NOC2L: variants seen among roughly 807,000 people sequenced by gnomAD.
The protein encoded by NOC2L is nucleolar complex protein 2 homolog.
A neutral mutation model predicts 94.2 loss-of-function variants in NOC2L; 101 were observed. The ratio of observed to expected loss-of-function variants is 1.07; its 90% CI spans 0.91 to 1.26. The LOEUF (loss-of-function observed/expected upper bound fraction) is 1.26. Among genes scored for constraint, NOC2L ranks in the 50% most tolerant of loss-of-function variants. NOC2L has a pLI of 0.00. For synonymous variants in NOC2L, 531 were observed against 413.4 expected (o/e 1.28, Z -3.45); for missense variants, 1,076 against 980.1 (o/e 1.10, Z -1.31).
In NOC2L at chr1:944,410, CTGGAACT is replaced by C. The variant is rs913881084; in HGVS notation, c.*277_*283del. On this transcript the variant is annotated 3_prime_UTR_variant, in exon 19 of 19. Coordinates refer to ENST00000327044, the MANE Select transcript of NOC2L (RefSeq NM_015658.4). Reference sequence around the variant, plus strand: ...GGGCCAGGGGCCTGCAGGCCTCCCCCTGGAACTGGGACTGGTCTCGGTCTGCTGACGT... The same window carrying C: ...GGGCCAGGGGCCTGCAGGCCTCCCCCGGGACTGGTCTCGGTCTGCTGACGT... 8.6e-7 allele frequency: 1 copy of C among 1,161,548 alleles called. No individual in the cohort carries two copies. The allele number at this position is 1,161,548 out of a possible 1,614,324, so 72.0% of individuals were successfully genotyped here. A position where few individuals can be genotyped will look rare whatever the true frequency, so the allele number is the denominator to read the frequency against.
rs776843172 is a variant in NOC2L at position 948,188 on chromosome 1, C to T, written c.1602G>A (p.Leu534=). The change falls in exon 14 of 19, where the codon CTG becomes CTA. Residue 534 remains leucine, a synonymous_variant. Coordinates refer to ENST00000327044, the MANE Select transcript of NOC2L (RefSeq NM_015658.4). The stretch of plus-strand genomic sequence containing the variant: ...AGCCGATGCAGTGTGCCTGGCTGTG[C>T]AGGTACTCCAGGGTGAGGTCGTACA... ...EQLYDLTLEY[L]HSQAHCIGFP... 25 of 1,589,606 alleles carry T rather than the reference C, an allele frequency of 1.6e-5. No individual in the cohort carries two copies. The highest frequency in any genetic ancestry group is 2.6e-6 in the Non-Finnish European group (3 of 1,168,596).
chr1:952,253 C>G (rs1206141808), intron 10 of NOC2L, 114 bp from the exon 11 acceptor site: 6 of 1,418,574 alleles, frequency 4.2e-6, no homozygotes, highest in Non-Finnish European at 5.8e-6. Context: ...GGGTCTCAAC[C>G]CATCCACCCT....
chr1:948,549 T>G lies in NOC2L; in HGVS notation c.1498A>C (p.Ile500Leu), dbSNP rs780173891. ...AGCTTCAGGATCACGGAGAAGTTGA[T>G]GGGCTTGGAGCTCATGCGCCCTGGC... ...RKPGRMSSKP[I>L]NFSVILKLSN... The change falls in exon 13 of 19, where the codon ATC becomes CTC. Residue 500 changes from isoleucine (I) to leucine (L), a missense_variant. This residue lies in a region of NOC2L where 615 missense variants were observed against 577.4 expected (regional missense o/e 1.07). Coordinates refer to ENST00000327044, the MANE Select transcript of NOC2L (RefSeq NM_015658.4). The G allele has an allele frequency of 3.7e-6, 6 of 1,613,592 alleles. No individual in the cohort carries two copies. In the Admixed American group the frequency reaches 6.7e-5, roughly 18 times the overall value.
rs769524529 is a variant in NOC2L at position 959,172 on chromosome 1, C to T, written c.26+43G>A. 12 of 1,611,884 alleles carry T rather than the reference C, an allele frequency of 7.4e-6. No individual in the cohort carries two copies. The South Asian group carries it at 1.2e-4, about 16-fold the overall frequency. On this transcript the variant is annotated intron_variant, in intron 1 of 18. Coordinates refer to ENST00000327044, the MANE Select transcript of NOC2L (RefSeq NM_015658.4). Reference sequence around the variant, plus strand: ...CAAGAAAAGCCCCCTTGGATACAGACACCCACCGGGAGGCCAAATCGGCCC... The same window carrying T: ...CAAGAAAAGCCCCCTTGGATACAGATACCCACCGGGAGGCCAAATCGGCCC...
chr1:956,221 G>A lies in NOC2L; in HGVS notation c.487-6C>T, dbSNP rs764054637. The A allele has an allele frequency of 6.0e-5, 96 of 1,612,996 alleles. No homozygotes were observed. Among genetic ancestry groups the A allele is most frequent in the Non-Finnish European group, 7.5e-5 (88 of 1,180,016 alleles). ...AGCTTTGGAGTGAGGCGTTGCTGAA[G>A]GAGCAAGAGTACCAGGGGCGTCAGG... On this transcript the variant is annotated splice_region_variant and splice_polypyrimidine_tract_variant and intron_variant, in intron 4 of 18. Coordinates refer to ENST00000327044, the MANE Select transcript of NOC2L (RefSeq NM_015658.4).
Position 945,524 on chromosome 1 carries a change from C to T in NOC2L, c.2047G>A (p.Glu683Lys), listed in dbSNP as rs1221775005. Residue 683 changes from glutamate to lysine, a missense_variant, in exon 17 of 19, where the codon GAG becomes AAG. This residue lies in a region of NOC2L where 615 missense variants were observed against 577.4 expected (regional missense o/e 1.07). Coordinates refer to ENST00000327044, the MANE Select transcript of NOC2L (RefSeq NM_015658.4). ...AGCACCACGCAGGCCCCACCTCTCT[C>T]CGAGAATCCCTCGGTGTCGTCCTCT... is the stretch of plus-strand genomic sequence containing the variant. Reference protein sequence around the residue: ...SEEDDTEGFSERGILRPLSTR... With the variant: ...SEEDDTEGFSKRGILRPLSTR... The T allele has an allele frequency of 1.9e-6, 3 of 1,613,658 alleles. No individual in the cohort carries two copies. The highest frequency in any genetic ancestry group is 2.5e-6 in the Non-Finnish European group (3 of 1,179,826).
rs774894562 is a variant in NOC2L, at chr1:952,540, T to C, written c.1063A>G (p.Ile355Val). The change falls in exon 10 of 19, where the codon ATC becomes GTC. Residue 355 changes from isoleucine to valine, a missense_variant. Ile to Val is a conservative substitution (Grantham distance 29, BLOSUM62 3). Around this residue, in one of 3 missense-constraint regions of NOC2L, gnomAD observed 615 missense variants for 577.4 expected, o/e 1.07. Coordinates refer to ENST00000327044, the MANE Select transcript of NOC2L (RefSeq NM_015658.4). ...GTCAAGGTCCACTGCATGAAACTGA[T>C]GAAGGGGAGGGCACCAGGCGAGGTG... ...KFTSPGALPF[I>V]SFMQWTLTEL... The C allele has an allele frequency of 1.9e-6, 3 of 1,613,872 alleles. No individual in the cohort carries two copies. Among genetic ancestry groups the C allele is most frequent in the Non-Finnish European group, 2.5e-6 (3 of 1,179,998 alleles).
At position 944,429 on chromosome 1, in the gene NOC2L, C is replaced by G. The variant is rs905366888; in HGVS notation, c.*265G>C. The G allele has an allele frequency of 2.8e-6, 3 of 1,060,300 alleles. No homozygotes were observed. The highest frequency in any genetic ancestry group is 1.6e-5 in the African/African-American group (1 of 60,616). The allele number at this position is 1,060,300 out of a possible 1,614,324, so 65.7% of individuals were successfully genotyped here. On this transcript the variant is annotated 3_prime_UTR_variant, in exon 19 of 19. Transcript: ENST00000327044. Reference sequence around the variant, plus strand: ...CTCCCCCTGGAACTGGGACTGGTCTCGGTCTGCTGACGTCAGGGTCAGCTC... The same window carrying G: ...CTCCCCCTGGAACTGGGACTGGTCTGGGTCTGCTGACGTCAGGGTCAGCTC...
rs776177391 is a variant in NOC2L, at chr1:952,514, C to T, written c.1089G>A (p.Thr363=). 9.9e-6 allele frequency: 16 copies of T among 1,613,784 alleles called. No individual in the cohort carries two copies. The highest frequency in any genetic ancestry group is 5.5e-5 in the South Asian group (5 of 91,090). Residue 363 remains threonine, a synonymous_variant, in exon 10 of 19, where the codon ACG becomes ACA. Transcript: ENST00000327044. ...CACCCGGCTCCAGGGCCAGCAGCTC[C>T]GTCAAGGTCCACTGCATGAAACTGA... ...PFISFMQWTL[T]ELLALEPGVA...
In NOC2L at chr1:945,096, C is replaced by T. The variant is rs1642061250; in HGVS notation, c.2104G>A (p.Asp702Asn). 3 of 1,613,898 alleles carry T rather than the reference C, an allele frequency of 1.9e-6. No homozygotes were observed. The highest frequency in any genetic ancestry group is 2.5e-6 in the Non-Finnish European group (3 of 1,179,946). The stretch of plus-strand genomic sequence containing the variant: ...CTGTCCTCCTCGCCCTCCTCCTCGT[C>T]CTCTTCATCGTCTTCCACCCCATGC... The part of the protein sequence containing the change: ...TRHGVEDDEE[D>N]EEEGEEDSSN... The change falls in exon 18 of 19, where the codon GAC becomes AAC. Residue 702 changes from aspartate (D) to asparagine (N), a missense_variant. Physicochemically the swap from Asp to Asn is conservative, Grantham distance 23. Transcript: ENST00000327044.
chr1:947,972 G>A (rs939965217), intron 14 of NOC2L, among the ~76,000 whole-genome samples, 159 bp downstream of exon 14: 1 of 152,164 alleles, frequency 6.6e-6, no homozygotes, highest in Non-Finnish European at 1.5e-5. Flanking sequence ...CCCCTCATCA[G>A]CCCCTCCAAG....
rs1436051163 is a variant in NOC2L at position 959,216 on chromosome 1, T to G, written c.25A>C (p.Arg9=). 1 of 1,608,406 alleles carries G rather than the reference T, an allele frequency of 6.2e-7. No homozygotes were observed. Among genetic ancestry groups the G allele is most frequent in the Admixed American group, 1.7e-5 (1 of 59,716 alleles). Residue 9 remains arginine (R), a splice_region_variant and synonymous_variant, in exon 1 of 19, where the codon AGG becomes CGG. Coordinates refer to ENST00000327044, the MANE Select transcript of NOC2L (RefSeq NM_015658.4). MAAAGSRK[R]RLAELTVDEF... is the part of the protein sequence containing the mutation. ...TCGGCCCTCGGACCCGCGGCTTACC[T>G]CTTGCGGCTCCCCGCAGCTGCCATG...
chr1:950,717 T>C (rs562410306), intron 12 of NOC2L, among the ~76,000 whole-genome samples: 1 of 152,232 alleles, frequency 6.6e-6, no homozygotes, highest in African/African-American at 2.4e-5. Context: ...CACGCATGCA[T>C]GCACAGACAA....
chr1:948,071 G>T, intron 14 of NOC2L, 60 bp downstream of exon 14: 2 of 1,393,136 alleles, frequency 1.4e-6, no homozygotes, highest in Non-Finnish European at 2.0e-6. Flanking sequence ...GCCTGGGGCA[G>T]CCAAGCCCGT....
At position 951,990 on chromosome 1, in the gene NOC2L, C is replaced by T. The variant is rs756487456; in HGVS notation, c.1331+10G>A. ...CCCTCCCGCACAACCCTGCCCACCC[C>T]ACAACTCACTTGATACAGCCAATGA... On this transcript the variant is annotated intron_variant, in intron 11 of 18. Transcript: ENST00000327044. The T allele has an allele frequency of 1.9e-6, 3 of 1,610,318 alleles. No homozygotes were observed. The South Asian group carries it at 3.3e-5, about 18-fold the overall frequency.
intron 16 of NOC2L, 35 bp from the exon 17 acceptor site, chr1:945,688 G>C: frequency 6.2e-7 from 1 of 1,613,978 alleles, no homozygotes; most frequent in Non-Finnish European, 8.5e-7. Context: ...TCAGGTGAGA[G>C]AGGGCAGGGG....
intron 11 of NOC2L, among the ~76,000 whole-genome samples, 163 bp from the exon 12 acceptor site, chr1:951,401 G>C (rs1158834144): frequency 6.6e-6 from 1 of 151,912 alleles, no homozygotes; most frequent in East Asian, 1.9e-4. Flanking sequence ...CCAGCTATGG[G>C]GCTGCAGGTA....
At chr1:952,645 C>T (rs1459397759) in intron 9 of NOC2L, 45 bp from the exon 10 acceptor site, 1 of 1,591,992 alleles carries the variant, frequency 6.3e-7, no homozygotes, top group Admixed American at 1.7e-5. Flanking sequence ...CAGGGCCATG[C>T]ACCTCCACCG....
intron 1 of NOC2L, 66 bp from the exon 2 acceptor site, chr1:959,147 C>T (rs1303234212): frequency 4.3e-6 from 7 of 1,611,950 alleles, no homozygotes; most frequent in Non-Finnish European, 5.9e-6. Context: ...CTGAGAGGAG[C>T]AAGAAAAGCC....
Sources: gnomAD v4.1 joint callset for allele counts (sites outside exome capture counted in the v4.1 genomes callset) on GRCh38, gnomAD v4.1.1 for gene constraint, gnomAD v4.1.1 regional missense constraint, MANE v1.5 for transcripts, NCBI Gene and HGNC (gene_info 2026-07-23, HGNC 2026-07-21) for gene names.